ZNF385B: variants seen among roughly 807,000 people sequenced by gnomAD.
ZNF385B encodes the protein zinc finger protein 385B.
Under a neutral mutation model 39.2 loss-of-function variants are expected in ZNF385B, and 23 were observed. The observed-to-expected ratio is 0.59, with a 90% CI of 0.42 to 0.83. The LOEUF (loss-of-function observed/expected upper bound fraction) is 0.83, where lower values mean the gene tolerates loss of function less well. ZNF385B is among the 40% of genes least tolerant of loss of function. The pLI is 0.00. For synonymous variants in ZNF385B, 205 were observed against 222.6 expected, an observed-to-expected ratio of 0.92 and a Z score of 0.70; for missense variants, 552 against 598.9, an observed-to-expected ratio of 0.92 and a Z score of 0.82.
intron 4 of ZNF385B, among the ~76,000 whole-genome samples, chr2:179,543,131 G>C (rs2060025172): frequency 1.3e-5 from 2 of 152,058 alleles, no homozygotes; most frequent in African/African-American, 4.8e-5. Flanking sequence ...AATTAGCCAG[G>C]TGTGGTGGCA....
intron 1 of ZNF385B, among the ~76,000 whole-genome samples, chr2:179,797,751 C>T (rs565619467): frequency 6.6e-6 from 1 of 152,200 alleles, no homozygotes; most frequent in Non-Finnish European, 1.5e-5. Flanking sequence ...GAGGCTTGAT[C>T]AAATTGAGAT....
rs143923603 is a variant in ZNF385B at position 179,613,622 on chromosome 2, G to A, written c.299-68653C>T. 8.1e-4 allele frequency among the ~76,000 whole-genome samples: 123 copies of A among 152,220 alleles called. 1 individual carries two copies. In the South Asian group the frequency reaches 8.5e-3, roughly 11 times the overall value. On this transcript the variant is annotated intron_variant, in intron 3 of 9. Coordinates refer to ENST00000410066, the MANE Select transcript of ZNF385B (RefSeq NM_152520.6). ...GCCCTATCCTACTATGGTGGAGTTG[G>A]TGTCCAAGTTGCAAAAGAAAGTCCT...
chr2:179,704,853 G>C (rs1292158050), intron 3 of ZNF385B, among the ~76,000 whole-genome samples: 2 of 152,144 alleles, frequency 1.3e-5, no homozygotes, highest in Admixed American at 1.3e-4. Context: ...TTTGAGTACA[G>C]TGTTTTTATA....
At chr2:179,684,970 C>T (rs971273311) in intron 3 of ZNF385B, among the ~76,000 whole-genome samples, 4 of 152,168 alleles carry the variant, frequency 2.6e-5, no homozygotes, top group East Asian at 3.9e-4. Context: ...TATGTCTTAA[C>T]GTTGTTAGAT....
At chr2:179,763,881 A>G (rs944471495) in intron 3 of ZNF385B, among the ~76,000 whole-genome samples, 1 of 152,202 alleles carries the variant, frequency 6.6e-6, no homozygotes, top group Non-Finnish European at 1.5e-5. Flanking sequence ...GTTATGGTCC[A>G]ATATATGGTC....
intron 4 of ZNF385B, among the ~76,000 whole-genome samples, chr2:179,542,460 GA>G (rs1278067788): frequency 1.3e-5 from 2 of 151,646 alleles, no homozygotes; most frequent in South Asian, 2.1e-4. Context: ...TTCCAAGAAG[GA>G]AAAAAAATGA....
chr2:179,712,607 C>T (rs1208387982), intron 3 of ZNF385B, among the ~76,000 whole-genome samples: 2 of 152,138 alleles, frequency 1.3e-5, no homozygotes, highest in Non-Finnish European at 2.9e-5. Flanking sequence ...ACTCATTGCT[C>T]AGAGTGAAAT....
chr2:179,744,940 C>T (rs1702293233), intron 3 of ZNF385B, among the ~76,000 whole-genome samples: 2 of 151,886 alleles, frequency 1.3e-5, no homozygotes, highest in African/African-American at 4.8e-5. Context: ...ATCTAGTTGG[C>T]TTTCAAATAC....
chr2:179,773,002 A>G (rs1704102403), intron 1 of ZNF385B, among the ~76,000 whole-genome samples: 1 of 152,248 alleles, frequency 6.6e-6, no homozygotes, highest in Non-Finnish European at 1.5e-5. Context: ...TTGGTCCTTG[A>G]GTTGCTGCTT....
chr2:179,628,483 G>A (rs971608495), intron 3 of ZNF385B, among the ~76,000 whole-genome samples: 4 of 152,134 alleles, frequency 2.6e-5, no homozygotes, highest in Non-Finnish European at 4.4e-5. Flanking sequence ...TTGAAAATGG[G>A]TAGACCTAGA....
intron 6 of ZNF385B, among the ~76,000 whole-genome samples, chr2:179,471,782 G>A (rs1177343616): frequency 6.6e-6 from 1 of 152,130 alleles, no homozygotes; most frequent in Non-Finnish European, 1.5e-5. Flanking sequence ...TTTATAGTTT[G>A]AGAATAGGCT....
At chr2:179,765,628 T>C (rs1703643850) in intron 3 of ZNF385B, among the ~76,000 whole-genome samples, 1 of 152,196 alleles carries the variant, frequency 6.6e-6, no homozygotes, top group Admixed American at 6.5e-5. Flanking sequence ...GTCCCTGTGG[T>C]TCCCAGGTTC....
chr2:179,749,733 T>G (rs77631246), intron 3 of ZNF385B, among the ~76,000 whole-genome samples: 519 of 152,202 alleles, frequency 3.4e-3, no homozygotes, highest in South Asian at 7.7e-3. Context: ...GACACCAAGG[T>G]TTTAAATATG....
intron 5 of ZNF385B, among the ~76,000 whole-genome samples, chr2:179,518,080 T>C (rs2058214176): frequency 6.6e-6 from 1 of 152,174 alleles, no homozygotes; most frequent in Admixed American, 6.5e-5. Flanking sequence ...TTAAAACTTT[T>C]TTCATATTTT....
At chr2:179,627,995 A>G (rs1384360069) in intron 3 of ZNF385B, among the ~76,000 whole-genome samples, 2 of 152,186 alleles carry the variant, frequency 1.3e-5, no homozygotes, top group Non-Finnish European at 2.9e-5. Context: ...ATATTTATCA[A>G]CATATGGCCA....
At chr2:179,827,482 T>C (rs1707741987) in intron 1 of ZNF385B, among the ~76,000 whole-genome samples, 1 of 152,204 alleles carries the variant, frequency 6.6e-6, no homozygotes, top group Admixed American at 6.5e-5. Context: ...TGTATTTCTA[T>C]CAGTGGGAAA....
intron 1 of ZNF385B, among the ~76,000 whole-genome samples, chr2:179,834,396 T>C (rs555544663): frequency 1.2e-4 from 18 of 152,258 alleles, no homozygotes; most frequent in Admixed American, 5.9e-4. Flanking sequence ...CAATAACTAA[T>C]TAAAAATATC....
chr2:179,445,877 C>A (rs12623873), intron 7 of ZNF385B, 149 bp from the exon 8 acceptor site: 9 of 672,280 alleles, frequency 1.3e-5, no homozygotes, highest in Non-Finnish European at 2.0e-5. Context: ...AAATTTAACA[C>A]GTTATTGTAA....
intron 1 of ZNF385B, among the ~76,000 whole-genome samples, chr2:179,778,501 T>C (rs917034467): frequency 1.3e-5 from 2 of 152,178 alleles, no homozygotes; most frequent in Non-Finnish European, 2.9e-5. Context: ...ATTGAATGGA[T>C]GGATTCCTAC....
Sources: gnomAD v4.1 joint callset for allele counts (sites outside exome capture counted in the v4.1 genomes callset) on GRCh38, gnomAD v4.1.1 for gene constraint, MANE v1.5 for transcripts, NCBI Gene and HGNC (gene_info 2026-07-23, HGNC 2026-07-21) for gene names.